KCNK13: variants seen among roughly 807,000 people sequenced by gnomAD.
KCNK13 encodes potassium channel subfamily K member 13.
In KCNK13, 12 loss-of-function variants were observed where a neutral mutation model predicts 23.4. That is an observed-to-expected ratio of 0.51 (90% CI 0.33 to 0.83). The LOEUF is 0.83. Among genes scored for constraint, KCNK13 ranks in the 40% least tolerant of loss-of-function variants. The pLI is 0.02. For missense variants in KCNK13, 463 were observed against 556.3 expected (o/e 0.83, Z 1.69); for synonymous variants, 231 against 229.5 (o/e 1.01, Z -0.06).
At chr14:90,126,340 C>T (rs1889799370) in intron 1 of KCNK13, among the ~76,000 whole-genome samples, 1 of 152,116 alleles carries the variant, frequency 6.6e-6, no homozygotes, top group Admixed American at 6.5e-5. Context: ...TCTAACTTTG[C>T]AGTGGAAAAA....
intron 1 of KCNK13, among the ~76,000 whole-genome samples, chr14:90,164,631 A>T (rs1205487199): frequency 6.6e-6 from 1 of 152,236 alleles, no homozygotes; most frequent in Non-Finnish European, 1.5e-5. Context: ...CTAGTGGTTC[A>T]GTAGTACCAT....
chr14:90,105,505 G>A (rs1437264583), intron 1 of KCNK13, among the ~76,000 whole-genome samples: 1 of 152,106 alleles, frequency 6.6e-6, no homozygotes, highest in African/African-American at 2.4e-5. Flanking sequence ...ACAGTTGATG[G>A]GGACATTCTG....
At chr14:90,124,238 G>A (rs866016169) in intron 1 of KCNK13, among the ~76,000 whole-genome samples, 2 of 152,210 alleles carry the variant, frequency 1.3e-5, no homozygotes, top group African/African-American at 2.4e-5. Flanking sequence ...AAAGTCATTA[G>A]TCTTTTGTTG....
chr14:90,145,936 A>T (rs1890068098), intron 1 of KCNK13, among the ~76,000 whole-genome samples: 1 of 152,146 alleles, frequency 6.6e-6, no homozygotes, highest in African/African-American at 2.4e-5. Context: ...ACTTGAGCTC[A>T]GAAGGCCAAG....
chr14:90,118,516 C>T (rs1889702573), intron 1 of KCNK13, among the ~76,000 whole-genome samples: 1 of 152,182 alleles, frequency 6.6e-6, no homozygotes, highest in South Asian at 2.1e-4. Flanking sequence ...AGTTTATGGA[C>T]ATGTGAGTTT....
At chr14:90,171,425 G>A (rs1890363283) in intron 1 of KCNK13, among the ~76,000 whole-genome samples, 1 of 152,142 alleles carries the variant, frequency 6.6e-6, no homozygotes, top group Non-Finnish European at 1.5e-5. Context: ...TTTTTGATTT[G>A]TATAAAGCAG....
In KCNK13 at chr14:90,185,667, A is replaced by C. The variant is rs550605532; in HGVS notation, c.*664A>C. ...ATTCAGCTTCAGGCCTTTAAACTGC[A>C]GCAAGATGGTGGTGTAGGGGTGTGG... On this transcript the variant is annotated 3_prime_UTR_variant, in exon 2 of 2. Coordinates refer to ENST00000282146, the MANE Select transcript of KCNK13 (RefSeq NM_022054.4). 2.0e-5 allele frequency: 3 copies of C among 152,366 alleles called. 1 individual carries two copies. In the South Asian group the frequency reaches 6.2e-4, roughly 32 times the overall value. The allele number at this position is 152,366 out of a possible 1,614,324, so 9.4% of individuals were successfully genotyped here.
intron 1 of KCNK13, among the ~76,000 whole-genome samples, chr14:90,181,087 C>T (rs551657270): frequency 6.6e-6 from 1 of 152,140 alleles, no homozygotes; most frequent in Admixed American, 6.5e-5. Context: ...GATCTCCTGA[C>T]CTCATGATCC....
chr14:90,068,348 A>G (rs1040166898), intron 1 of KCNK13, among the ~76,000 whole-genome samples: 1 of 152,080 alleles, frequency 6.6e-6, no homozygotes, highest in Admixed American at 6.6e-5. Flanking sequence ...TAATCTCAGC[A>G]CTTTGGGAGG....
chr14:90,071,575 T>C (rs1444012390), intron 1 of KCNK13, among the ~76,000 whole-genome samples: 1 of 152,190 alleles, frequency 6.6e-6, no homozygotes, highest in African/African-American at 2.4e-5. Context: ...GCATATTTCC[T>C]GGATTCCCCA....
chr14:90,183,949 T>C (rs2140450850), intron 1 of KCNK13, among the ~76,000 whole-genome samples, 162 bp from the exon 2 acceptor site: 1 of 152,268 alleles, frequency 6.6e-6, no homozygotes, highest in East Asian at 1.9e-4. Flanking sequence ...CTTAGTGTCT[T>C]CAAAAGCAGG....
intron 1 of KCNK13, among the ~76,000 whole-genome samples, chr14:90,170,977 G>A (rs1953219): frequency 6.6e-6 from 1 of 152,162 alleles, no homozygotes; most frequent in Non-Finnish European, 1.5e-5. Context: ...ATCTTATTTA[G>A]GAACCAAAAG....
chr14:90,169,011 A>G (rs978518131), intron 1 of KCNK13, among the ~76,000 whole-genome samples: 4 of 152,080 alleles, frequency 2.6e-5, no homozygotes, highest in South Asian at 2.1e-4. Flanking sequence ...AGCCTCCCCA[A>G]CCGTGTGGAG....
rs148632357 is a variant in KCNK13, at chr14:90,134,930, C to T, written c.335-49181C>T. Among the ~76,000 whole-genome samples, 986 of 152,340 alleles carry T rather than the reference C, an allele frequency of 6.5e-3. 13 individuals carry two copies. Among genetic ancestry groups the T allele is most frequent in the African/African-American group, 0.022 (907 of 41,574 alleles). ...CACTTTCCTAGATGATAAGCCTCCC[C>T]TGAATTGGGAATTGTGGAGCTCACA... On this transcript the variant is annotated intron_variant, in intron 1 of 1. Coordinates refer to ENST00000282146, the MANE Select transcript of KCNK13 (RefSeq NM_022054.4).
intron 1 of KCNK13, among the ~76,000 whole-genome samples, chr14:90,101,002 AT>A (rs1225415983): frequency 2.0e-5 from 3 of 152,086 alleles, no homozygotes; most frequent in African/African-American, 7.2e-5. Context: ...CCAGCACGAG[AT>A]ATTTGAGTCA....
chr14:90,145,050 G>A (rs553303196), intron 1 of KCNK13, among the ~76,000 whole-genome samples: 1 of 152,210 alleles, frequency 6.6e-6, no homozygotes, highest in South Asian at 2.1e-4. Flanking sequence ...CATCTACTGA[G>A]TGATTACATG....
At chr14:90,115,864 G>A (rs1274185117) in intron 1 of KCNK13, among the ~76,000 whole-genome samples, 7 of 152,210 alleles carry the variant, frequency 4.6e-5, no homozygotes, top group Non-Finnish European at 1.0e-4. Flanking sequence ...AAGCTCTTCA[G>A]GTGATTTTCA....
intron 1 of KCNK13, among the ~76,000 whole-genome samples, chr14:90,068,902 A>G (rs1021205302): frequency 3.9e-5 from 6 of 152,112 alleles, no homozygotes; most frequent in African/African-American, 7.2e-5. Context: ...ATTACACACC[A>G]TCCAGATGCA....
Position 90,062,326 on chromosome 14 carries a change from C to T in KCNK13, c.121C>T (p.Leu41=). The change falls in exon 1 of 2, where the codon CTG becomes TTG. Residue 41 remains leucine, a synonymous_variant. Coordinates refer to ENST00000282146, the MANE Select transcript of KCNK13 (RefSeq NM_022054.4). This position sits in a 1 kb window ranked among gnomAD's most constrained non-coding sequence, Gnocchi z 4.5. ...GGGCGGCGCCGCCGTCTTCTCCGCGCTGGAGCTGGCGCACGAGCGCCAGGC... is the reference window on the plus strand; with the variant it reads ...GGGCGGCGCCGCCGTCTTCTCCGCGTTGGAGCTGGCGCACGAGCGCCAGGC... ...LLGGAAVFSA[L]ELAHERQAKQ... is the part of the protein sequence containing the mutation. 1 of 1,554,912 alleles carries T rather than the reference C, an allele frequency of 6.4e-7. No individual in the cohort carries two copies.
Sources: allele counts gnomAD v4.1 joint callset (sites outside exome capture counted in the v4.1 genomes callset), GRCh38; gene constraint gnomAD v4.1.1; non-coding constraint Gnocchi (gnomAD v3.1); transcripts MANE v1.5; gene names NCBI Gene and HGNC (gene_info 2026-07-23, HGNC 2026-07-21).